Variants in AFAP1L2 observed in about 807,000 individuals in gnomAD.
The protein encoded by AFAP1L2 is actin filament-associated protein 1-like 2.
A neutral mutation model predicts 99.3 loss-of-function variants in AFAP1L2; 46 were observed. The observed-to-expected ratio is 0.46, with a 90% confidence interval of 0.37 to 0.59. The LOEUF (loss-of-function observed/expected upper bound fraction) is 0.59, where lower values mean the gene tolerates loss of function less well. Ranked by LOEUF, AFAP1L2 falls within the 20% of genes least tolerant of loss-of-function variation. The pLI is 0.00. For missense variants in AFAP1L2, 959 were observed against 1,034.9 expected (o/e 0.93, Z 1.01); for synonymous variants, 397 against 419.1 (o/e 0.95, Z 0.64).
At chr10:114,344,337 G>A (rs2049201805) in intron 1 of AFAP1L2, among the ~76,000 whole-genome samples, 1 of 152,096 alleles carries the variant, frequency 6.6e-6, no homozygotes, top group Non-Finnish European at 1.5e-5. Context: ...TCAACTTCAG[G>A]GGACAAGGGA....
At chr10:114,299,526 C>A in intron 15 of AFAP1L2, 111 bp from the exon 16 acceptor site, 1 of 1,373,554 alleles carries the variant, frequency 7.3e-7, no homozygotes. Flanking sequence ...CAAAGCCCTG[C>A]TAGGCTGGAT....
rs1368909107 is a variant in AFAP1L2, at chr10:114,300,319, G to T, written c.1832C>A (p.Thr611Asn). ...LEPEDPSLRI[T>N]TVKIQTEQQR... ...CTGTTCCGTCTGGATTTTGACGGTG[G>T]TGATTCTCAGGGAAGGATCCTCTGG... Residue 611 changes from threonine (T) to asparagine (N), a missense_variant, in exon 15 of 19, where the codon ACC becomes AAC. Thr to Asn is a moderately conservative substitution (Grantham distance 65). Around this residue, in one of 2 missense-constraint regions of AFAP1L2, gnomAD observed 576 missense variants for 562.1 expected, o/e 1.02. Transcript: ENST00000304129. The T allele has an allele frequency of 1.9e-6, 3 of 1,614,090 alleles. No individual in the cohort carries two copies. In the Admixed American group the frequency reaches 5.0e-5, roughly 27 times the overall value.
chr10:114,370,029 C>T (rs2053883349), intron 1 of AFAP1L2, among the ~76,000 whole-genome samples: 1 of 152,180 alleles, frequency 6.6e-6, no homozygotes, highest in Admixed American at 6.5e-5. Flanking sequence ...GACCCCAGGC[C>T]AGCTGATCCC....
intron 1 of AFAP1L2, among the ~76,000 whole-genome samples, chr10:114,376,522 G>C (rs1219256016): frequency 2.0e-5 from 3 of 152,208 alleles, no homozygotes; most frequent in Non-Finnish European, 4.4e-5. Context: ...AGCCTATTCA[G>C]CTTCTCTTAC....
chr10:114,304,011 T>C (rs1478964450), intron 11 of AFAP1L2, among the ~76,000 whole-genome samples: 4 of 152,256 alleles, frequency 2.6e-5, no homozygotes, highest in East Asian at 1.9e-4. Context: ...TTGTCCACCA[T>C]ATTCCTGTGC....
At chr10:114,301,074 G>T (rs972804820) in intron 13 of AFAP1L2, among the ~76,000 whole-genome samples, 2 of 152,092 alleles carry the variant, frequency 1.3e-5, no homozygotes, top group African/African-American at 4.8e-5. Context: ...AAGCCTACTG[G>T]TACCTCCACT....
rs188805255 is a variant in AFAP1L2, at chr10:114,351,929, C to T, written c.17-11198G>A. 6.6e-4 allele frequency among the ~76,000 whole-genome samples: 100 copies of T among 152,262 alleles called. 1 individual carries two copies. The highest frequency in any genetic ancestry group is 2.2e-3 in the African/African-American group (91 of 41,560). ...GCTGCACCATATACTGGCTGTGTGG[C>T]CTTGGGGAGCTTAATGAGCCTCTCT... On this transcript the variant is annotated intron_variant, in intron 1 of 18. Coordinates refer to ENST00000304129, the MANE Select transcript of AFAP1L2 (RefSeq NM_001001936.3).
intron 1 of AFAP1L2, among the ~76,000 whole-genome samples, chr10:114,397,830 C>T (rs148888654): frequency 4.6e-4 from 70 of 152,238 alleles, no homozygotes; most frequent in African/African-American, 1.4e-3. Flanking sequence ...GCTGAGCTTC[C>T]GTACAAGCTC....
chr10:114,312,611 C>G (rs1165916991), intron 7 of AFAP1L2, among the ~76,000 whole-genome samples: 1 of 152,160 alleles, frequency 6.6e-6, no homozygotes, highest in Non-Finnish European at 1.5e-5. Context: ...TTAAAGGATC[C>G]AGCCCCAAAT....
Position 114,315,629 on chromosome 10 carries a change from G to GA in AFAP1L2, c.542dup (p.Leu182ProfsTer79). The GA allele has an allele frequency of 6.2e-7, 1 of 1,614,102 alleles. No individual in the cohort carries two copies. Among genetic ancestry groups the GA allele is most frequent in the Non-Finnish European group, 8.5e-7 (1 of 1,180,024 alleles). On this transcript the variant is annotated frameshift_variant, in exon 6 of 19. Coordinates refer to ENST00000304129, the MANE Select transcript of AFAP1L2 (RefSeq NM_001001936.3). LOFTEE classifies it high-confidence loss of function. ...GTCCCAGCCACTTCTTGCGCCACAG[G>GA]AAGGCGCAGATGCGGGCGTCACGCA... is the stretch of plus-strand genomic sequence containing the variant.
In AFAP1L2 at chr10:114,314,061, A is replaced by G. The variant is rs1323825991; in HGVS notation, c.613-11T>C. On this transcript the variant is annotated splice_polypyrimidine_tract_variant and intron_variant, in intron 6 of 18. Transcript: ENST00000304129. The stretch of plus-strand genomic sequence containing the variant: ...GGAGGATTTGTAGCACTGGAAGGAA[A>G]GAGAGAAGATACACCACTTTGCCAG... The G allele has an allele frequency of 6.2e-7, 1 of 1,606,552 alleles. No homozygotes were observed. Among genetic ancestry groups the G allele is most frequent in the South Asian group, 1.1e-5 (1 of 90,706 alleles).
intron 1 of AFAP1L2, among the ~76,000 whole-genome samples, chr10:114,384,738 G>A (rs759334665): frequency 1.3e-5 from 2 of 152,300 alleles, no homozygotes; most frequent in South Asian, 2.1e-4. Context: ...CCTAGCCCAC[G>A]GCCTACTGGG....
In AFAP1L2 at chr10:114,315,684, C is replaced by A. The variant is rs867654377; in HGVS notation, c.488G>T (p.Trp163Leu). Residue 163 changes from tryptophan to leucine, a missense_variant, in exon 6 of 19, where the codon TGG becomes TTG. Physicochemically the swap from Trp to Leu is moderately conservative, Grantham distance 61. Transcript: ENST00000304129. The stretch of plus-strand genomic sequence containing the variant: ...CTCGATGCCGGCCTCCGGCGAGGGC[C>A]ACTGGTAAGGGGCCGACTTGCCCTT... ...GSKGKSAPYQ[W>L]PSPEAGIELM... The A allele has an allele frequency of 1.2e-6, 2 of 1,613,734 alleles. No individual in the cohort carries two copies. The highest frequency in any genetic ancestry group is 2.7e-5 in the African/African-American group (2 of 74,956).
chr10:114,299,032 G>A (rs2040699145), intron 16 of AFAP1L2, among the ~76,000 whole-genome samples: 2 of 152,198 alleles, frequency 1.3e-5, no homozygotes, highest in South Asian at 4.1e-4. Flanking sequence ...ATGACCTGCT[G>A]GTCCTATTGA....
downstream of AFAP1L2, chr10:114,290,402 G>C (rs2039460108): frequency 6.5e-7 from 1 of 1,547,952 alleles, no homozygotes; most frequent in Non-Finnish European, 8.7e-7. Context: ...GTGAGCCAGG[G>C]ATGGTATTGC....
chr10:114,372,617 C>T (rs1019702727), intron 1 of AFAP1L2, among the ~76,000 whole-genome samples: 5 of 151,306 alleles, frequency 3.3e-5, no homozygotes, highest in African/African-American at 1.2e-4. Context: ...ATGATGAAAA[C>T]ATATTTATAT....
intron 1 of AFAP1L2, among the ~76,000 whole-genome samples, chr10:114,348,177 T>C (rs920444936): frequency 4.6e-5 from 7 of 152,222 alleles, no homozygotes; most frequent in African/African-American, 1.7e-4. Flanking sequence ...ATATACTACA[T>C]TCTACTTACC....
Position 114,296,765 on chromosome 10 carries a change from GAT to G in AFAP1L2, c.2430+211_2430+212del, listed in dbSNP as rs2040293549. 6.2e-6 allele frequency: 4 copies of G among 646,474 alleles called. No homozygotes were observed. In the African/African-American group the frequency reaches 7.4e-5, roughly 12 times the overall value. 40.0% of individuals were successfully genotyped at this position (646,474 alleles called of 1,614,324 possible). On this transcript the variant is annotated intron_variant, in intron 18 of 18. Coordinates refer to ENST00000304129, the MANE Select transcript of AFAP1L2 (RefSeq NM_001001936.3). The stretch of plus-strand genomic sequence containing the variant: ...AAGCATCCCCAAGCTCACAGGGAAG[GAT>G]GCTCGAACCAAGTGCAGACACCTTT...
In AFAP1L2 at chr10:114,404,444, G is replaced by C. The variant is rs999411275; in HGVS notation, c.12C>G (p.Tyr4Ter). 1 of 1,542,336 alleles carries C rather than the reference G, an allele frequency of 6.5e-7. No individual in the cohort carries two copies. Among genetic ancestry groups the C allele is most frequent in the Non-Finnish European group, 8.7e-7 (1 of 1,146,012 alleles). MER[Y>*]KALEQLLTEL... ...GCGAGGAACCCGCGCCCTCACCTTT[G>C]TACCGCTCCATCGGGGCCACGGAGT... Residue 4 changes from tyrosine (Y) to a stop codon, truncating the protein, a stop_gained, in exon 1 of 19, where the codon TAC becomes TAG. Coordinates refer to ENST00000304129, the MANE Select transcript of AFAP1L2 (RefSeq NM_001001936.3). LOFTEE classifies it high-confidence loss of function.
Sources: allele counts gnomAD v4.1 joint callset (sites outside exome capture counted in the v4.1 genomes callset), GRCh38; gene constraint gnomAD v4.1.1; regional missense constraint gnomAD v4.1.1; transcripts MANE v1.5; gene names NCBI Gene and HGNC (gene_info 2026-07-23, HGNC 2026-07-21).